Variants in GPHN observed in about 807,000 individuals in gnomAD.
GPHN encodes the protein gephyrin.
GPHN carries 17 observed loss-of-function variants against 95.5 expected under a neutral mutation model. The observed-to-expected ratio is 0.18, with a 90% CI of 0.12 to 0.27. The LOEUF (loss-of-function observed/expected upper bound fraction) is 0.27, where lower values mean the gene tolerates loss of function less well. Ranked by LOEUF, GPHN falls within the 10% of genes least tolerant of loss-of-function variation. The pLI is 1.00. For synonymous variants in GPHN, 320 were observed against 322.5 expected (o/e 0.99, Z 0.08); for missense variants, 660 against 978.1 (o/e 0.67, Z 4.34).
the GPHN span, among the ~76,000 whole-genome samples, chr14:67,513,314 A>G: frequency 0.43 from 64,762 of 152,016 alleles, 14,186 homozygotes; most frequent in Non-Finnish European, 0.48. Flanking sequence ...GCCTGTTAGA[A>G]TGGGAAGGTC....
intron 11 of GPHN, among the ~76,000 whole-genome samples, chr14:67,064,690 A>C (rs1046507148): frequency 2.6e-5 from 4 of 152,030 alleles, no homozygotes; most frequent in African/African-American, 9.7e-5. Flanking sequence ...GAATTTATCC[A>C]TTTCTTCTAG....
intron 22 of GPHN, among the ~76,000 whole-genome samples, chr14:67,180,125 T>C (rs1469783930): frequency 6.6e-6 from 1 of 152,352 alleles, no homozygotes; most frequent in Middle Eastern, 3.4e-3. Flanking sequence ...GAAATCAATA[T>C]TGATAATGCA....
chr14:66,953,828 T>C (rs569434346), intron 8 of GPHN, among the ~76,000 whole-genome samples: 2 of 152,212 alleles, frequency 1.3e-5, no homozygotes, highest in South Asian at 4.2e-4. Flanking sequence ...AGGTCAGGCG[T>C]TTGAGACCAC....
chr14:67,366,577 G>A, the GPHN span, among the ~76,000 whole-genome samples: 1 of 152,174 alleles, frequency 6.6e-6, no homozygotes, highest in Non-Finnish European at 1.5e-5. Flanking sequence ...ACAAATGCGT[G>A]CAATGCAATT....
chr14:66,662,729 A>T (rs1407636223), intron 1 of GPHN, among the ~76,000 whole-genome samples: 1 of 152,242 alleles, frequency 6.6e-6, no homozygotes, highest in Non-Finnish European at 1.5e-5. Context: ...AGATCATGAT[A>T]AAACATTTCA....
chr14:67,129,771 A>AG (rs1377971321), intron 17 of GPHN, among the ~76,000 whole-genome samples: 6 of 131,568 alleles, frequency 4.6e-5, no homozygotes, highest in African/African-American at 1.9e-4. Flanking sequence ...AGAAAGAAAG[A>AG]AAGAGAGAAA....
At position 67,045,330 on chromosome 14, in the gene GPHN, ATGAGGCCTAAGCC is replaced by A. The variant is rs1260419772; in HGVS notation, c.1007-13307_1007-13295del. Among the ~76,000 whole-genome samples the A allele has an allele frequency of 2.0e-5, 3 of 152,124 alleles. No homozygotes were observed. In the East Asian group the frequency reaches 5.8e-4, roughly 29 times the overall value. ...CCAGAAGTTGTTTCAGCTTTTTGCT[ATGAGGCCTAAGCC>A]TGAGGCCTAAGACGCTCTCTGTCTC... is the stretch of plus-strand genomic sequence containing the variant. On this transcript the variant is annotated intron_variant, in intron 10 of 22. Transcript: ENST00000478722.
chr14:66,646,915 G>A (rs2064779968), intron 1 of GPHN, among the ~76,000 whole-genome samples: 1 of 151,986 alleles, frequency 6.6e-6, no homozygotes, highest in African/African-American at 2.4e-5. Context: ...TATTTTTACA[G>A]TGACACGGTC....
At chr14:66,916,235 T>C (rs535697662) in intron 6 of GPHN, among the ~76,000 whole-genome samples, 166 bp downstream of exon 6, 1 of 152,138 alleles carries the variant, frequency 6.6e-6, no homozygotes, top group African/African-American at 2.4e-5. Flanking sequence ...TGGAAAGACA[T>C]AGAACTCACT....
the GPHN span, chr14:67,657,223 C>G: frequency 6.6e-6 from 1 of 152,026 alleles, no homozygotes; most frequent in East Asian, 1.9e-4. Context: ...CTACATTCTT[C>G]TTTTTCAGCT....
At chr14:67,506,386 G>A in the GPHN span, among the ~76,000 whole-genome samples, 9 of 152,122 alleles carry the variant, frequency 5.9e-5, no homozygotes. Flanking sequence ...ACAGTGGGAG[G>A]CAAAATTAAG....
rs147386403 is a variant in GPHN at position 66,741,648 on chromosome 14, G to C, written c.144-34816G>C. ...CATATATATTTTATCACTGTCTTATGTTTTCAAGTTTGTACATATGTTACT... is the reference window on the plus strand; with the variant it reads ...CATATATATTTTATCACTGTCTTATCTTTTCAAGTTTGTACATATGTTACT... On this transcript the variant is annotated intron_variant, in intron 2 of 22. Transcript: ENST00000478722. 2.6e-4 allele frequency among the ~76,000 whole-genome samples: 40 copies of C among 152,222 alleles called. No homozygotes were observed. The East Asian group carries it at 7.5e-3, about 29-fold the overall frequency.
At chr14:67,725,323 A>G in the GPHN span, 3 of 1,498,786 alleles carry the variant, frequency 2.0e-6, no homozygotes, top group Non-Finnish European at 2.8e-6. Flanking sequence ...ACCCTAGACC[A>G]TCTATGGCCC....
intron 1 of GPHN, among the ~76,000 whole-genome samples, chr14:66,553,319 A>G (rs1234793814): frequency 6.6e-6 from 1 of 151,998 alleles, no homozygotes; most frequent in Non-Finnish European, 1.5e-5. Flanking sequence ...GGTGTTTTTC[A>G]TCATATTTGA....
chr14:66,850,446 C>T (rs144277080), intron 4 of GPHN, among the ~76,000 whole-genome samples: 2 of 151,992 alleles, frequency 1.3e-5, no homozygotes, highest in East Asian at 1.9e-4. Flanking sequence ...TTTTTAGTTG[C>T]CCATAATATG....
chr14:66,751,599 T>G (rs1371685294), intron 2 of GPHN, among the ~76,000 whole-genome samples: 1 of 152,154 alleles, frequency 6.6e-6, no homozygotes, highest in Non-Finnish European at 1.5e-5. Flanking sequence ...TAGACTTTTG[T>G]CAGATGCATA....
chr14:67,101,532 A>G (rs2077695816), intron 13 of GPHN, among the ~76,000 whole-genome samples: 2 of 151,490 alleles, frequency 1.3e-5, no homozygotes, highest in Admixed American at 6.6e-5. Context: ...CAATAATTTG[A>G]TGAAGAACCA....
the GPHN span, among the ~76,000 whole-genome samples, chr14:67,516,879 C>T: frequency 1.3e-5 from 2 of 152,196 alleles, no homozygotes; most frequent in African/African-American, 2.4e-5. Context: ...TAGACAGCCA[C>T]GTGCTACCAG....
At chr14:66,920,127 C>T (rs778391720) in intron 6 of GPHN, among the ~76,000 whole-genome samples, 6 of 152,080 alleles carry the variant, frequency 3.9e-5, no homozygotes, top group Admixed American at 6.6e-5. Flanking sequence ...ACAGCAGTGT[C>T]TTAAGTGTTT....
Sources: allele counts gnomAD v4.1 joint callset (sites outside exome capture counted in the v4.1 genomes callset), GRCh38; gene constraint gnomAD v4.1.1; transcripts MANE v1.5; gene names NCBI Gene and HGNC (gene_info 2026-07-23, HGNC 2026-07-21).